Variants in ORC4 observed in about 807,000 individuals in gnomAD.
ORC4 encodes the protein origin recognition complex subunit 4.
Under a neutral mutation model 63.9 loss-of-function variants are expected in ORC4, and 55 were observed. That is an observed-to-expected ratio of 0.86 (90% CI 0.69 to 1.08). The LOEUF is 1.08. Among genes scored for constraint, ORC4 ranks in the 50% least tolerant of loss-of-function variants. The pLI, the probability that ORC4 is intolerant of heterozygous loss-of-function variation, is 0.00. For synonymous variants in ORC4, 150 were observed against 168.5 expected (o/e 0.89, Z 0.85); for missense variants, 511 against 504.4 (o/e 1.01, Z -0.13).
intron 2 of ORC4, among the ~76,000 whole-genome samples, chr2:147,974,355 T>C (rs1690403192): frequency 6.6e-6 from 1 of 152,078 alleles, no homozygotes; most frequent in Non-Finnish European, 1.5e-5. Flanking sequence ...AAAAGGGGGC[T>C]GGCCGCTGTG....
intron 3 of ORC4, 40 bp from the exon 4 acceptor site, chr2:147,972,869 C>A: frequency 7.6e-7 from 1 of 1,315,212 alleles, no homozygotes; most frequent in Non-Finnish European, 1.1e-6. Flanking sequence ...AAAAATGAAG[C>A]TGGAATACTT....
chr2:147,955,281 T>G, intron 7 of ORC4, 66 bp downstream of exon 7: 1 of 1,139,060 alleles, frequency 8.8e-7, no homozygotes, highest in South Asian at 1.4e-5. Context: ...TGTATTACCT[T>G]TATAATCAGG....
intron 1 of ORC4, among the ~76,000 whole-genome samples, chr2:148,001,109 G>T (rs898501080): frequency 2.6e-5 from 4 of 152,082 alleles, no homozygotes; most frequent in African/African-American, 9.7e-5. Flanking sequence ...CTGGGATTAA[G>T]CAAATAAGGC....
chr2:147,981,965 G>A (rs1690915418), intron 1 of ORC4: 1 of 152,202 alleles, frequency 6.6e-6, no homozygotes, highest in Non-Finnish European at 1.5e-5. Context: ...AATGTTAACA[G>A]GTCCTTAGCT....
chr2:147,955,392 T>C lies in ORC4; in HGVS notation c.391A>G (p.Ser131Gly), dbSNP rs140607512. The change falls in exon 7 of 14, where the codon AGC (serine) becomes GGC (glycine). Residue 131 changes from serine (S) to glycine (G), a missense_variant. Transcript: ENST00000392857. ...ENVVGDKVFGSFAENLSFLLE... is the reference protein window; with the variant it reads ...ENVVGDKVFGGFAENLSFLLE... ...AGAAATGAAAGGTTTTCAGCAAAGC[T>C]TCCCTGAACAACAAAATGAGATAAA... The C allele has an allele frequency of 7.9e-5, 127 of 1,602,460 alleles. No individual in the cohort carries two copies. The African/African-American group carries it at 1.5e-3, about 19-fold the overall frequency.
intron 4 of ORC4, among the ~76,000 whole-genome samples, chr2:147,965,498 A>T (rs970363575): frequency 6.6e-6 from 1 of 152,220 alleles, no homozygotes; most frequent in Non-Finnish European, 1.5e-5. Context: ...ATATAATAAT[A>T]AAAGGATCAA....
In ORC4 at chr2:147,932,726, T is replaced by G. The variant is rs1284499261; in HGVS notation, c.*2784A>C. 1 of 152,126 alleles carries G rather than the reference T, an allele frequency of 6.6e-6. No individual in the cohort carries two copies. The highest frequency in any genetic ancestry group is 1.5e-5 in the Non-Finnish European group (1 of 68,048). The allele number at this position is 152,126 out of a possible 1,614,324, so 9.4% of individuals were successfully genotyped here. Reference sequence around the variant, plus strand: ...GGCTTGTTGGCATTGTGTCACACAGTACACACCAATGGATTCTCAGATTTT... The same window carrying G: ...GGCTTGTTGGCATTGTGTCACACAGGACACACCAATGGATTCTCAGATTTT... On this transcript the variant is annotated 3_prime_UTR_variant, in exon 14 of 14. Transcript: ENST00000392857.
At chr2:147,937,911 G>A (rs184478535) in intron 13 of ORC4, 44 of 566,804 alleles carry the variant, frequency 7.8e-5, no homozygotes, top group South Asian at 3.6e-4. Context: ...AGTTGTTTTC[G>A]GGATGCAAGT....
At chr2:147,942,187 A>G (rs1688401005) in intron 10 of ORC4, among the ~76,000 whole-genome samples, 1 of 152,078 alleles carries the variant, frequency 6.6e-6, no homozygotes, top group Non-Finnish European at 1.5e-5. Flanking sequence ...CAGTCCATAA[A>G]TGGTAGCTAC....
intron 13 of ORC4, among the ~76,000 whole-genome samples, 181 bp from the exon 14 acceptor site, chr2:147,935,879 A>G (rs1303107672): frequency 6.6e-6 from 1 of 152,140 alleles, no homozygotes; most frequent in Admixed American, 6.6e-5. Flanking sequence ...TCATATTATC[A>G]GGTAAAACAG....
chr2:147,992,240 G>C (rs913289147), intron 1 of ORC4, among the ~76,000 whole-genome samples: 2 of 152,152 alleles, frequency 1.3e-5, no homozygotes, highest in African/African-American at 4.8e-5. Context: ...AAGGGCGACA[G>C]ACACTTGAAT....
intron 1 of ORC4, among the ~76,000 whole-genome samples, chr2:148,014,022 T>C (rs939020858): frequency 3.3e-5 from 5 of 152,096 alleles, no homozygotes; most frequent in African/African-American, 1.2e-4. Flanking sequence ...GCTGAGCTAA[T>C]GGAAGATGTG....
chr2:147,998,486 A>G (rs1359229996), intron 1 of ORC4, among the ~76,000 whole-genome samples: 1 of 152,124 alleles, frequency 6.6e-6, no homozygotes, highest in Non-Finnish European at 1.5e-5. Flanking sequence ...TCCTTCCCAC[A>G]AGAGTGGGTT....
intron 2 of ORC4, among the ~76,000 whole-genome samples, chr2:147,975,270 A>C (rs1394249628): frequency 6.6e-6 from 1 of 152,144 alleles, no homozygotes; most frequent in Admixed American, 6.5e-5. Flanking sequence ...TACAATATAC[A>C]CTTCTTATAA....
intron 13 of ORC4, 88 bp from the exon 14 acceptor site, chr2:147,935,786 G>A (rs1573737083): frequency 8.8e-7 from 1 of 1,141,744 alleles, no homozygotes; most frequent in East Asian, 2.3e-5. Flanking sequence ...TAGCATTTTG[G>A]TCAGCTGCAG....
chr2:147,955,274 A>G, intron 7 of ORC4, 73 bp downstream of exon 7: 1 of 1,020,374 alleles, frequency 9.8e-7, no homozygotes, highest in Non-Finnish European at 1.5e-6. Context: ...AAAAGCTTGT[A>G]TTACCTTTAT....
intron 9 of ORC4, among the ~76,000 whole-genome samples, chr2:147,946,746 C>A (rs1688677797): frequency 6.6e-6 from 1 of 151,912 alleles, no homozygotes; most frequent in Non-Finnish European, 1.5e-5. Context: ...AATTATTAAT[C>A]ATAACAATGG....
At chr2:147,949,921 A>G (rs180676204) in intron 8 of ORC4, among the ~76,000 whole-genome samples, 66 of 152,326 alleles carry the variant, frequency 4.3e-4, no homozygotes, top group Non-Finnish European at 7.6e-4. Flanking sequence ...ACATCTCCAC[A>G]TCTAGCCAGA....
chr2:147,975,660 A>G (rs1424864226), intron 2 of ORC4, among the ~76,000 whole-genome samples: 2 of 152,196 alleles, frequency 1.3e-5, no homozygotes, highest in South Asian at 2.1e-4. Flanking sequence ...AACAATCATA[A>G]CAACAAAATC....
Sources: allele counts gnomAD v4.1 joint callset (sites outside exome capture counted in the v4.1 genomes callset), GRCh38; gene constraint gnomAD v4.1.1; transcripts MANE v1.5; gene names NCBI Gene and HGNC (gene_info 2026-07-23, HGNC 2026-07-21).